Variants in SYT17 observed in about 807,000 individuals in gnomAD.
SYT17 encodes synaptotagmin 17.
In SYT17, 22 loss-of-function variants were observed where a neutral mutation model predicts 46.7. The ratio of observed to expected loss-of-function variants is 0.47; its 90% confidence interval spans 0.34 to 0.67. SYT17 has a LOEUF of 0.67. SYT17 is among the 30% of genes least tolerant of loss of function. The pLI, the probability that SYT17 is intolerant of heterozygous loss-of-function variation, is 0.01. For synonymous variants in SYT17, 251 were observed against 248.4 expected (o/e 1.01, Z -0.10); for missense variants, 519 against 612.8 (o/e 0.85, Z 1.62).
chr16:19,242,985 G>A (rs1175103108), intron 7 of SYT17, among the ~76,000 whole-genome samples: 1 of 152,114 alleles, frequency 6.6e-6, no homozygotes, highest in Non-Finnish European at 1.5e-5. Context: ...TGCTCAGTGG[G>A]TGTAATTTTC....
chr16:19,202,174 G>A (rs1481471511), intron 5 of SYT17, among the ~76,000 whole-genome samples: 2 of 152,052 alleles, frequency 1.3e-5, no homozygotes, highest in Non-Finnish European at 2.9e-5. Context: ...AGTCCCATAA[G>A]ATTGCCCCTG....
At chr16:19,178,307 G>A (rs931821280) in intron 3 of SYT17, among the ~76,000 whole-genome samples, 5 of 151,672 alleles carry the variant, frequency 3.3e-5, no homozygotes, top group African/African-American at 9.7e-5. Flanking sequence ...GGATGGTCTC[G>A]ATGTCCTGAC....
chr16:19,217,571 G>GAT (rs1966144408), intron 5 of SYT17, among the ~76,000 whole-genome samples: 1 of 152,208 alleles, frequency 6.6e-6, no homozygotes, highest in African/African-American at 2.4e-5. Context: ...CCATTGCATA[G>GAT]ATAGGTGATG....
At chr16:19,253,317 A>G (rs1968323894) in intron 7 of SYT17, among the ~76,000 whole-genome samples, 1 of 152,130 alleles carries the variant, frequency 6.6e-6, no homozygotes, top group Admixed American at 6.6e-5. Context: ...AGACTTTGGG[A>G]GGCCGAGGTG....
chr16:19,211,135 G>A (rs1965883256), intron 5 of SYT17: 2 of 355,096 alleles, frequency 5.6e-6, no homozygotes, highest in African/African-American at 2.1e-5. Context: ...CCCACCCCAC[G>A]TGGTTCGACC....
intron 2 of SYT17, 157 bp from the exon 3 acceptor site, chr16:19,173,273 T>C (rs1290175722): frequency 5.3e-6 from 3 of 569,208 alleles, no homozygotes; most frequent in Non-Finnish European, 9.1e-6. Context: ...CATTTTGTTC[T>C]AAGTGCTGAG....
rs11541511 is a variant in SYT17, at chr16:19,183,808, C to T, written c.612C>T (p.Arg204=). The T allele has an allele frequency of 0.15, 240,159 of 1,614,084 alleles. 18,977 individuals carry two copies. The highest frequency in any genetic ancestry group is 0.17 in the Middle Eastern group (1,031 of 6,062). ...YDLLHNHLTV[R]VIEARDLPPP... ...TGCTGCACAACCACCTCACCGTGCGCGTGATCGAGGCCAGGGACCTGCCAC... is the reference window on the plus strand; with the variant it reads ...TGCTGCACAACCACCTCACCGTGCGTGTGATCGAGGCCAGGGACCTGCCAC... Residue 204 remains arginine, a synonymous_variant, in exon 5 of 8, where the codon CGC becomes CGT. Coordinates refer to ENST00000355377, the MANE Select transcript of SYT17 (RefSeq NM_016524.4). This position sits in a 1 kb window ranked among gnomAD's most constrained non-coding sequence, Gnocchi z 5.6.
At position 19,184,095 on chromosome 16, in the gene SYT17, T is replaced by C. The variant is rs776057941; in HGVS notation, c.899T>C (p.Val300Ala). Reference sequence around the variant, plus strand: ...AAAGTTTCTGTGCCTTTGTGTGAAGTTGACCTGGTCAAGGGCGGGCACTGG... The same window carrying C: ...AAAGTTTCTGTGCCTTTGTGTGAAGCTGACCTGGTCAAGGGCGGGCACTGG... ...IGKVSVPLCEVDLVKGGHWWK... is the reference protein window; with the variant it reads ...IGKVSVPLCEADLVKGGHWWK... Residue 300 changes from valine to alanine, a missense_variant, in exon 5 of 8, where the codon GTT (valine) becomes GCT (alanine). By Grantham distance (64) the Val-to-Ala change is moderately conservative. Coordinates refer to ENST00000355377, the MANE Select transcript of SYT17 (RefSeq NM_016524.4). The C allele has an allele frequency of 3.1e-6, 5 of 1,614,078 alleles. No homozygotes were observed. The highest frequency in any genetic ancestry group is 4.5e-5 in the East Asian group (2 of 44,900).
intron 7 of SYT17, among the ~76,000 whole-genome samples, chr16:19,264,138 G>A (rs555173332): frequency 2.6e-4 from 40 of 152,278 alleles, no homozygotes; most frequent in Middle Eastern, 6.8e-3. Context: ...ACCAGACACC[G>A]AATTTGCCAG....
In SYT17 at chr16:19,224,813, G is replaced by A; in HGVS notation, c.1203G>A (p.Leu401=). 1 of 1,614,048 alleles carries A rather than the reference G, an allele frequency of 6.2e-7. No individual in the cohort carries two copies. Among genetic ancestry groups the A allele is most frequent in the South Asian group, 1.1e-5 (1 of 91,068 alleles). The part of the protein sequence containing the change: ...SFSFKVPQEE[L]ENASLVFTVF... ...GCTTCAAAGTTCCCCAAGAAGAACT[G>A]GAAAATGCCAGCCTAGTGTTTACAG... is the stretch of plus-strand genomic sequence containing the variant. Residue 401 remains leucine, a synonymous_variant, in exon 7 of 8, where the codon CTG becomes CTA. Transcript: ENST00000355377.
At chr16:19,249,724 C>T (rs191657890) in intron 7 of SYT17, among the ~76,000 whole-genome samples, 1 of 152,148 alleles carries the variant, frequency 6.6e-6, no homozygotes, top group East Asian at 1.9e-4. Context: ...TACAAAGGAC[C>T]GTTGAACCTT....
chr16:19,204,895 G>A (rs926891411), intron 5 of SYT17, among the ~76,000 whole-genome samples: 2 of 151,944 alleles, frequency 1.3e-5, no homozygotes, highest in African/African-American at 2.4e-5. Context: ...CTCCTCCGCC[G>A]GTGTTCCCCG....
chr16:19,246,215 C>T (rs1054475750), intron 7 of SYT17, among the ~76,000 whole-genome samples: 1 of 152,052 alleles, frequency 6.6e-6, no homozygotes, highest in Non-Finnish European at 1.5e-5. Context: ...TGGTCTCGAA[C>T]TCTTGGCCTC....
chr16:19,192,345 C>T (rs1338535580), intron 5 of SYT17, among the ~76,000 whole-genome samples: 6 of 151,920 alleles, frequency 3.9e-5, no homozygotes, highest in East Asian at 3.9e-4. Flanking sequence ...CGCTTGAATC[C>T]GGGAGACAGA....
chr16:19,249,794 G>C, intron 7 of SYT17: 1 of 717,548 alleles, frequency 1.4e-6, no homozygotes, highest in Non-Finnish European at 2.1e-6. Flanking sequence ...TCAGGCCCTG[G>C]TTGGTGTTTC....
intron 7 of SYT17, among the ~76,000 whole-genome samples, chr16:19,237,063 C>T (rs1966858839): frequency 1.3e-5 from 2 of 152,168 alleles, no homozygotes; most frequent in Non-Finnish European, 2.9e-5. Flanking sequence ...CCCTAGGAGC[C>T]AAAGACAAAG....
intron 3 of SYT17, 46 bp from the exon 4 acceptor site, chr16:19,180,345 C>T (rs1006308223): frequency 6.2e-7 from 1 of 1,604,904 alleles, no homozygotes; most frequent in Non-Finnish European, 8.5e-7. Context: ...GATGCCAGTC[C>T]CCGGGGATTC....
chr16:19,249,950 G>C (rs74011560), intron 7 of SYT17: 2 of 1,535,802 alleles, frequency 1.3e-6, no homozygotes, highest in African/African-American at 2.7e-5. Flanking sequence ...GGATCCAACA[G>C]CCCCATACCA....
Position 19,183,417 on chromosome 16 carries a change from C to A in SYT17, c.332-111C>A. The A allele has an allele frequency of 7.0e-7, 1 of 1,431,374 alleles. No individual in the cohort carries two copies. Among genetic ancestry groups the A allele is most frequent in the Non-Finnish European group, 9.5e-7 (1 of 1,057,848 alleles). 88.7% of individuals were successfully genotyped at this position (1,431,374 alleles called of 1,614,324 possible). ...TATTTCAGAGTGTGGAGAAAGATGG[C>A]AAAGGTCATTCTGAAGCAGAGTAAA... On this transcript the variant is annotated intron_variant, in intron 4 of 7. Coordinates refer to ENST00000355377, the MANE Select transcript of SYT17 (RefSeq NM_016524.4). This position sits in a 1 kb window ranked among gnomAD's most constrained non-coding sequence, Gnocchi z 5.6.
Sources: gnomAD v4.1 joint callset for allele counts (sites outside exome capture counted in the v4.1 genomes callset) on GRCh38, gnomAD v4.1.1 for gene constraint, Gnocchi (gnomAD v3.1) non-coding constraint, MANE v1.5 for transcripts, NCBI Gene and HGNC (gene_info 2026-07-23, HGNC 2026-07-21) for gene names.